MLIP: variants seen among roughly 807,000 people sequenced by gnomAD.
MLIP encodes muscular LMNA-interacting protein.
MLIP carries 79 observed loss-of-function variants against 84.8 expected under a neutral mutation model. The ratio of observed to expected loss-of-function variants is 0.93; its 90% CI spans 0.78 to 1.12. MLIP has a LOEUF of 1.12. Among genes scored for constraint, MLIP ranks in the 50% most tolerant of loss-of-function variants. MLIP has a pLI of 0.00. For synonymous variants in MLIP, 504 were observed against 463.0 expected (o/e 1.09, Z -1.14); for missense variants, 1,257 against 1,160.6 (o/e 1.08, Z -1.21).
intron 1 of MLIP, among the ~76,000 whole-genome samples, chr6:54,068,427 A>C (rs1347408622): frequency 1.0e-5 from 1 of 98,396 alleles, no homozygotes; most frequent in African/African-American, 2.6e-5. Context: ...GAGCCACTGC[A>C]CCCCACCCAG....
intron 1 of MLIP, among the ~76,000 whole-genome samples, chr6:54,032,069 C>T (rs71558851): frequency 0.053 from 8,101 of 152,158 alleles, 214 homozygotes; most frequent in South Asian, 0.081. Context: ...ATGGAACTTT[C>T]TGAGAGTAGG....
intron 1 of MLIP, among the ~76,000 whole-genome samples, chr6:54,081,893 T>A (rs566832663): frequency 6.6e-6 from 1 of 152,298 alleles, no homozygotes; most frequent in East Asian, 1.9e-4. Context: ...TATTTGTTTT[T>A]AAAAATATTT....
At chr6:54,229,497 A>G (rs1332408653) in intron 11 of MLIP, among the ~76,000 whole-genome samples, 1 of 152,094 alleles carries the variant, frequency 6.6e-6, no homozygotes, top group Non-Finnish European at 1.5e-5. Context: ...TCCATTAGCT[A>G]TTCTTCCTGA....
At position 54,263,053 on chromosome 6, in the gene MLIP, A is replaced by T. The variant is rs577739249; in HGVS notation, c.2977-2897A>T. 3.9e-5 allele frequency among the ~76,000 whole-genome samples: 6 copies of T among 152,162 alleles called. No homozygotes were observed. In the East Asian group the frequency reaches 1.2e-3, roughly 29 times the overall value. On this transcript the variant is annotated intron_variant, in intron 13 of 13. Coordinates refer to ENST00000502396, the MANE Select transcript of MLIP (RefSeq NM_001281747.2). Reference sequence around the variant, plus strand: ...CTTCAAAGTCATCTCAACAGATTAAAGTTGGGTTTGATATTGTAGTGAGTC... The same window carrying T: ...CTTCAAAGTCATCTCAACAGATTAATGTTGGGTTTGATATTGTAGTGAGTC...
chr6:54,208,719 C>A (rs78180727), intron 11 of MLIP, among the ~76,000 whole-genome samples: 2,422 of 152,274 alleles, frequency 0.016, 68 homozygotes, highest in African/African-American at 0.055. Context: ...CAGATGGTAA[C>A]AATCACATAC....
chr6:54,135,916 G>T (rs932370847), intron 3 of MLIP, among the ~76,000 whole-genome samples: 1 of 151,904 alleles, frequency 6.6e-6, no homozygotes, highest in Non-Finnish European at 1.5e-5. Context: ...CTCTTTATTT[G>T]GTTTCTTTAT....
chr6:54,050,118 A>T (rs1286977190), intron 1 of MLIP, among the ~76,000 whole-genome samples: 1 of 152,142 alleles, frequency 6.6e-6, no homozygotes, highest in Non-Finnish European at 1.5e-5. Flanking sequence ...TAAAGTAAAC[A>T]TCTGAAGCTC....
chr6:54,117,669 G>A (rs192684366), intron 1 of MLIP, among the ~76,000 whole-genome samples: 20 of 151,784 alleles, frequency 1.3e-4, no homozygotes, highest in South Asian at 2.1e-4. Flanking sequence ...TTTTAGGGCC[G>A]GGTGTGGTGG....
intron 1 of MLIP, among the ~76,000 whole-genome samples, chr6:54,058,630 A>G (rs2150328172): frequency 6.6e-6 from 1 of 152,348 alleles, no homozygotes; most frequent in Middle Eastern, 3.4e-3. Flanking sequence ...CAAAAGGCTA[A>G]TAAAATCCTC....
At chr6:54,143,568 A>G (rs560074799) in intron 4 of MLIP, among the ~76,000 whole-genome samples, 9 of 152,176 alleles carry the variant, frequency 5.9e-5, no homozygotes, top group Non-Finnish European at 1.3e-4. Context: ...TGTCAAAGGA[A>G]AAAACAGGGA....
intron 1 of MLIP, among the ~76,000 whole-genome samples, chr6:54,030,888 C>A (rs1042742700): frequency 6.6e-6 from 1 of 151,812 alleles, no homozygotes; most frequent in Non-Finnish European, 1.5e-5. Flanking sequence ...ATGTTTATTG[C>A]AATATTGTTT....
intron 11 of MLIP, chr6:54,215,307 G>A: frequency 7.2e-7 from 1 of 1,396,204 alleles, no homozygotes; most frequent in South Asian, 1.7e-5. Context: ...CAAGAACATG[G>A]GCTCTTGTGA....
At chr6:54,030,620 T>G (rs564314265) in intron 1 of MLIP, 1 of 152,232 alleles carries the variant, frequency 6.6e-6, no homozygotes, top group African/African-American at 2.4e-5. Context: ...GCCTCTTACC[T>G]TCATCTGGCA....
intron 10 of MLIP, among the ~76,000 whole-genome samples, chr6:54,201,442 A>T (rs1290258): frequency 0.91 from 138,596 of 152,172 alleles, 64,471 homozygotes; most frequent in East Asian, 1. Flanking sequence ...CTTTGCTCTA[A>T]CCTTCTTGAT....
At chr6:54,242,220 C>T (rs1781787289) in intron 12 of MLIP, among the ~76,000 whole-genome samples, 1 of 152,118 alleles carries the variant, frequency 6.6e-6, no homozygotes, top group African/African-American at 2.4e-5. Flanking sequence ...CTGGCTTTAG[C>T]CTGCTTCTTA....
At chr6:54,221,541 C>A (rs1168833894) in intron 11 of MLIP, among the ~76,000 whole-genome samples, 1 of 75,592 alleles carries the variant, frequency 1.3e-5, no homozygotes, top group Non-Finnish European at 4.3e-5. Context: ...ACACATAAGA[C>A]CCCCTTATAA....
chr6:54,144,852 A>G (rs990252070), intron 4 of MLIP, among the ~76,000 whole-genome samples: 1 of 152,160 alleles, frequency 6.6e-6, no homozygotes, highest in Non-Finnish European at 1.5e-5. Context: ...GACATCAGCA[A>G]CAGGATATAT....
At chr6:54,091,188 G>A (rs1767849179) in intron 1 of MLIP, among the ~76,000 whole-genome samples, 1 of 152,072 alleles carries the variant, frequency 6.6e-6, no homozygotes, top group African/African-American at 2.4e-5. Context: ...TGCTTCTGTA[G>A]AGTAAACCCC....
At chr6:54,027,461 A>G (rs1763884715) in intron 1 of MLIP, among the ~76,000 whole-genome samples, 1 of 151,884 alleles carries the variant, frequency 6.6e-6, no homozygotes, top group Non-Finnish European at 1.5e-5. Flanking sequence ...TATTTTAAAA[A>G]TGGTTTCTTT....
Sources: allele counts gnomAD v4.1 joint callset (sites outside exome capture counted in the v4.1 genomes callset), GRCh38; gene constraint gnomAD v4.1.1; transcripts MANE v1.5; gene names NCBI Gene and HGNC (gene_info 2026-07-23, HGNC 2026-07-21).